The following ENAM variants were observed in gnomAD, a reference collection of about 807,000 sequenced individuals.
The protein encoded by ENAM is enamelin.
ENAM carries 21 observed loss-of-function variants against 33.6 expected under a neutral mutation model. That is an observed-to-expected ratio of 0.63 (90% confidence interval 0.44 to 0.90). The LOEUF is 0.90. Ranked by LOEUF, ENAM falls within the 40% of genes least tolerant of loss-of-function variation. ENAM has a pLI of 0.00. For missense variants in ENAM, 1,388 were observed against 1,366.9 expected (o/e 1.02, Z -0.24); for synonymous variants, 473 against 468.4 (o/e 1.01, Z -0.13).
chr4:70,629,486 A>G lies in ENAM; in HGVS notation c.-15A>G, dbSNP rs998181343. On this transcript the variant is annotated 5_prime_UTR_variant, in exon 2 of 9. Transcript: ENST00000396073. ...GTATTTTTCTTAAAGGCTTATAAAAATTTTGCTGAAAAAAATGTTGGTGCT... is the reference window on the plus strand; with the variant it reads ...GTATTTTTCTTAAAGGCTTATAAAAGTTTTGCTGAAAAAAATGTTGGTGCT... The G allele has an allele frequency of 1.9e-6, 3 of 1,610,284 alleles. No homozygotes were observed. The South Asian group carries it at 3.3e-5, about 18-fold the overall frequency.
intron 6 of ENAM, among the ~76,000 whole-genome samples, chr4:70,635,423 T>C (rs146485476): frequency 1.8e-3 from 267 of 152,178 alleles, no homozygotes; most frequent in Non-Finnish European, 2.7e-3. Flanking sequence ...TAACACTTAT[T>C]ATCAGACACT....
In ENAM at chr4:70,643,857, A is replaced by G. The variant is rs1289157158; in HGVS notation, c.2431A>G (p.Ser811Gly). 5 of 1,614,234 alleles carry G rather than the reference A, an allele frequency of 3.1e-6. No homozygotes were observed. In the South Asian group the frequency reaches 5.5e-5, roughly 18 times the overall value. ...PDQKGNQPYY[S>G]NTPAGLQKNP... ...CCAGAAAGGTAACCAGCCCTATTACAGTAACACCCCAGCTGGGCTTCAGAA... is the reference window on the plus strand; with the variant it reads ...CCAGAAAGGTAACCAGCCCTATTACGGTAACACCCCAGCTGGGCTTCAGAA... The change falls in exon 9 of 9, where the codon AGT becomes GGT. Residue 811 changes from serine (S) to glycine (G), a missense_variant. Coordinates refer to ENST00000396073, the MANE Select transcript of ENAM (RefSeq NM_031889.3).
chr4:70,642,987 G>A lies in ENAM; in HGVS notation c.1561G>A (p.Val521Ile). 6.2e-7 allele frequency: 1 copy of A among 1,614,120 alleles called. No individual in the cohort carries two copies. Among genetic ancestry groups the A allele is most frequent in the Non-Finnish European group, 8.5e-7 (1 of 1,180,020 alleles). Residue 521 changes from valine to isoleucine, a missense_variant, in exon 9 of 9, where the codon GTT becomes ATT. Val to Ile is a conservative substitution (Grantham distance 29). Coordinates refer to ENST00000396073, the MANE Select transcript of ENAM (RefSeq NM_031889.3). ...TQSQNLPKGI[V>I]LGSRRMPYES... ...AAGCCAGAATTTGCCCAAAGGGATTGTTTTAGGGTCAAGAAGGATGCCATA... is the reference window on the plus strand; with the variant it reads ...AAGCCAGAATTTGCCCAAAGGGATTATTTTAGGGTCAAGAAGGATGCCATA...
Position 70,636,978 on chromosome 4 carries a change from G to C in ENAM, c.535-812G>C, listed in dbSNP as rs866651802. Among the ~76,000 whole-genome samples, 13 of 152,300 alleles carry C rather than the reference G, an allele frequency of 8.5e-5. No homozygotes were observed. The Middle Eastern group carries it at 0.01, about 120-fold the overall frequency. ...AAACAACAGGAAATATTTGTTGACT[G>C]TTCATTCAGCTATGACATAGGTTTT... On this transcript the variant is annotated intron_variant, in intron 7 of 8. Transcript: ENST00000396073.
At chr4:70,640,711 T>C (rs892132923) in intron 8 of ENAM, among the ~76,000 whole-genome samples, 1 of 152,242 alleles carries the variant, frequency 6.6e-6, no homozygotes, top group East Asian at 1.9e-4. Flanking sequence ...ATATTACAAA[T>C]GAATAAACCA....
At chr4:70,634,260 T>G (rs370035808) in intron 5 of ENAM, 48 bp from the exon 6 acceptor site, 20 of 1,593,622 alleles carry the variant, frequency 1.3e-5, no homozygotes, top group Non-Finnish European at 1.7e-5. Context: ...GGAGACAGCC[T>G]GAATCACAGC....
rs1419105363 is a variant in ENAM, at chr4:70,646,680, C to T, written c.*1825C>T. On this transcript the variant is annotated 3_prime_UTR_variant, in exon 9 of 9. Transcript: ENST00000396073. The stretch of plus-strand genomic sequence containing the variant: ...AGAAGGGATCTTAGAGGTAGATTAT[C>T]CAGGCCATCCCCTACTGCTTACATT... The T allele has an allele frequency of 2.0e-5, 3 of 151,852 alleles. No homozygotes were observed. The highest frequency in any genetic ancestry group is 4.4e-5 in the Non-Finnish European group (3 of 68,022). 9.4% of individuals were successfully genotyped at this position (151,852 alleles called of 1,614,324 possible).
Position 70,642,769 on chromosome 4 carries a change from T to C in ENAM, c.1343T>C (p.Ile448Thr), listed in dbSNP as rs1192658819. The stretch of plus-strand genomic sequence containing the variant: ...CCCCTGGGTCCAAAAGAACAAATAA[T>C]AGTTCCTACAAAGAATCCAACCAGC... ...EKPLGPKEQI[I>T]VPTKNPTSPW... Residue 448 changes from isoleucine to threonine, a missense_variant, in exon 9 of 9, where the codon ATA becomes ACA. By Grantham distance (89) the Ile-to-Thr change is moderately conservative. Transcript: ENST00000396073. The C allele has an allele frequency of 6.2e-7, 1 of 1,612,398 alleles. No homozygotes were observed. The highest frequency in any genetic ancestry group is 1.3e-5 in the African/African-American group (1 of 74,698).
chr4:70,638,632 T>C (rs979301652), intron 8 of ENAM, among the ~76,000 whole-genome samples: 8 of 151,350 alleles, frequency 5.3e-5, no homozygotes, highest in African/African-American at 1.9e-4. Flanking sequence ...TTTAAGATTA[T>C]GTATATATAC....
rs778175689 is a variant in ENAM at position 70,629,476 on chromosome 4, G to T, written c.-25G>T. On this transcript the variant is annotated 5_prime_UTR_variant, in exon 2 of 9. Transcript: ENST00000396073. ...GGTTAAAGCTGTATTTTTCTTAAAG[G>T]CTTATAAAAATTTTGCTGAAAAAAA... is the stretch of plus-strand genomic sequence containing the variant. 8.8e-6 allele frequency: 14 copies of T among 1,591,620 alleles called. No homozygotes were observed. Among genetic ancestry groups the T allele is most frequent in the Non-Finnish European group, 1.2e-5 (14 of 1,159,902 alleles).
Position 70,631,673 on chromosome 4 carries a change from C to G in ENAM, c.58C>G (p.Pro20Ala), listed in dbSNP as rs1420559026. The G allele has an allele frequency of 5.6e-6, 9 of 1,611,384 alleles. No individual in the cohort carries two copies. Among genetic ancestry groups the G allele is most frequent in the Non-Finnish European group, 7.6e-6 (9 of 1,177,572 alleles). ...AAAAATCAATTTTTTATTCTAGGTA[C>G]CAAAAGGCAAAATGAAGATTCTCCT... ...TSFPKLDNLV[P>A]KGKMKILLVF... The change falls in exon 3 of 9, where the codon CCA (proline) becomes GCA (alanine). Residue 20 changes from proline (P) to alanine (A), a missense_variant. Coordinates refer to ENST00000396073, the MANE Select transcript of ENAM (RefSeq NM_031889.3).
At position 70,643,601 on chromosome 4, in the gene ENAM, T is replaced by C. The variant is rs1470222297; in HGVS notation, c.2175T>C (p.Asp725=). 3.7e-6 allele frequency: 6 copies of C among 1,613,964 alleles called. 1 individual carries two copies. In the South Asian group the frequency reaches 6.6e-5, roughly 18 times the overall value. The change falls in exon 9 of 9, where the codon GAT becomes GAC. Residue 725 remains aspartate, a synonymous_variant. Transcript: ENST00000396073. Reference sequence around the variant, plus strand: ...GTGAATTTTACCCATGGAGCCCGGATGAGAATTTTCCATCATATAATACAG... The same window carrying C: ...GTGAATTTTACCCATGGAGCCCGGACGAGAATTTTCCATCATATAATACAG... ...YYSEFYPWSP[D]ENFPSYNTAS...
rs750458770 is a variant in ENAM at position 70,644,760 on chromosome 4, C to T, written c.3334C>T (p.Pro1112Ser). 1 of 1,613,790 alleles carries T rather than the reference C, an allele frequency of 6.2e-7. No homozygotes were observed. Among genetic ancestry groups the T allele is most frequent in the South Asian group, 1.1e-5 (1 of 91,062 alleles). Residue 1112 changes from proline (P) to serine (S), a missense_variant, in exon 9 of 9, where the codon CCA becomes TCA. Transcript: ENST00000396073. ...ACAATTTAAGAGTATAAATGTAGAC[C>T]CACTTGATGCAGATGAACACAGTCC... ...EEQFKSINVDPLDADEHSPFE... is the reference protein window; with the variant it reads ...EEQFKSINVDSLDADEHSPFE...
intron 4 of ENAM, among the ~76,000 whole-genome samples, chr4:70,632,321 A>G (rs1466271507): frequency 6.6e-6 from 1 of 152,178 alleles, no homozygotes; most frequent in Non-Finnish European, 1.5e-5. Context: ...ATGTTCTCAA[A>G]TCCTGAACTC....
rs571855434 is a variant in ENAM at position 70,639,368 on chromosome 4, T to A, written c.588+1525T>A. 3.3e-5 allele frequency among the ~76,000 whole-genome samples: 5 copies of A among 151,942 alleles called. No individual in the cohort carries two copies. The East Asian group carries it at 9.7e-4, about 30-fold the overall frequency. On this transcript the variant is annotated intron_variant, in intron 8 of 8. Transcript: ENST00000396073. ...ACTTTGGGAGGCTGAGGCAGGTGGA[T>A]CACTTGAGGTAAGGAGTTTGAGACC...
rs369600487 is a variant in ENAM, at chr4:70,643,336, T to C, written c.1910T>C (p.Leu637Pro). ...ACTATGGGGCAAAAAGAAAGTCCAC[T>C]CTACCCCATAAATACCCCAGACCAG... ...PNTMGQKESPLYPINTPDQKE... is the reference protein window; with the variant it reads ...PNTMGQKESPPYPINTPDQKE... The change falls in exon 9 of 9, where the codon CTC becomes CCC. Residue 637 changes from leucine (L) to proline (P), a missense_variant. Coordinates refer to ENST00000396073, the MANE Select transcript of ENAM (RefSeq NM_031889.3). 3.3e-5 allele frequency: 53 copies of C among 1,613,966 alleles called. No homozygotes were observed. Among genetic ancestry groups the C allele is most frequent in the Non-Finnish European group, 4.5e-5 (53 of 1,179,936 alleles).
In ENAM at chr4:70,635,488, C is replaced by G. The variant is rs184117622; in HGVS notation, c.472-344C>G. Among the ~76,000 whole-genome samples the G allele has an allele frequency of 7.2e-5, 11 of 152,296 alleles. No homozygotes were observed. The East Asian group carries it at 1.9e-3, about 27-fold the overall frequency. The stretch of plus-strand genomic sequence containing the variant: ...TGAAAAGACACTCCTGGATTGGAAT[C>G]CTGGCTTCAGTGATTTACGAGCAAT... On this transcript the variant is annotated intron_variant, in intron 6 of 8. Coordinates refer to ENST00000396073, the MANE Select transcript of ENAM (RefSeq NM_031889.3).
chr4:70,641,397 A>ATT (rs1378356397), intron 8 of ENAM, among the ~76,000 whole-genome samples: 1 of 139,946 alleles, frequency 7.1e-6, no homozygotes, highest in Non-Finnish European at 1.6e-5. Flanking sequence ...TTATTTATTT[A>ATT]TTTTTTTTTT....
chr4:70,642,604 A>C lies in ENAM; in HGVS notation c.1178A>C (p.Asn393Thr). 6.2e-7 allele frequency: 1 copy of C among 1,614,086 alleles called. No individual in the cohort carries two copies. Among genetic ancestry groups the C allele is most frequent in the Non-Finnish European group, 8.5e-7 (1 of 1,179,992 alleles). The change falls in exon 9 of 9, where the codon AAT becomes ACT. Residue 393 changes from asparagine to threonine, a missense_variant. Transcript: ENST00000396073. Reference protein sequence around the residue: ...YPPTSRGNYPNYAGNPANLRR... With the variant: ...YPPTSRGNYPTYAGNPANLRR... ...CCTACTTCAAGAGGCAATTATCCCA[A>C]TTATGCAGGAAATCCAGCAAATCTC...
Sources: allele counts gnomAD v4.1 joint callset (sites outside exome capture counted in the v4.1 genomes callset), GRCh38; gene constraint gnomAD v4.1.1; transcripts MANE v1.5; gene names NCBI Gene and HGNC (gene_info 2026-07-23, HGNC 2026-07-21).